Variants in HMGXB4 observed in about 807,000 individuals in gnomAD.
The protein encoded by HMGXB4 is HMG domain-containing protein 4.
A neutral mutation model predicts 63.9 loss-of-function variants in HMGXB4; 27 were observed. The ratio of observed to expected loss-of-function variants is 0.42; its 90% confidence interval spans 0.31 to 0.58. The LOEUF is 0.58. HMGXB4 is among the 20% of genes least tolerant of loss of function. HMGXB4 has a pLI of 0.13. For missense variants in HMGXB4, 624 were observed against 700.7 expected, an observed-to-expected ratio of 0.89 and a Z score of 1.24; for synonymous variants, 264 against 265.3, an observed-to-expected ratio of 0.99 and a Z score of 0.05.
intron 7 of HMGXB4, 65 bp from the exon 8 acceptor site, chr22:35,287,282 G>A: frequency 7.8e-7 from 1 of 1,274,576 alleles, no homozygotes; most frequent in Non-Finnish European, 1.1e-6. Flanking sequence ...GTTCTTTCAT[G>A]ACTGCTTTTC....
At chr22:35,269,076 G>T (rs1192121660) in intron 5 of HMGXB4, among the ~76,000 whole-genome samples, 1 of 152,176 alleles carries the variant, frequency 6.6e-6, no homozygotes, top group Non-Finnish European at 1.5e-5. Flanking sequence ...GAAGACTGAT[G>T]CTTAGAATTC....
rs962998385 is a variant in HMGXB4, at chr22:35,294,156, A to G, written c.*505A>G. The G allele has an allele frequency of 6.5e-6, 1 of 152,766 alleles. No individual in the cohort carries two copies. Among genetic ancestry groups the G allele is most frequent in the African/African-American group, 2.4e-5 (1 of 41,422 alleles). The allele number at this position is 152,766 out of a possible 1,614,324, so 9.5% of individuals were successfully genotyped here. A position where few individuals can be genotyped will look rare whatever the true frequency, so the allele number is the denominator to read the frequency against. On this transcript the variant is annotated 3_prime_UTR_variant, in exon 11 of 11. Transcript: ENST00000216106. The stretch of plus-strand genomic sequence containing the variant: ...TTCAATTTGAAGTGACCTAGGTGGG[A>G]GGTGATAAAATTTGTTCCCTTTATA...
At chr22:35,282,457 G>A (rs963831256) in intron 5 of HMGXB4, among the ~76,000 whole-genome samples, 3 of 152,048 alleles carry the variant, frequency 2.0e-5, no homozygotes, top group East Asian at 1.9e-4. Flanking sequence ...TACCCCACCC[G>A]GCCACATTCA....
chr22:35,286,109 C>A, intron 7 of HMGXB4, 48 bp downstream of exon 7: 1 of 1,305,138 alleles, frequency 7.7e-7, no homozygotes, highest in Non-Finnish European at 1.1e-6. Flanking sequence ...TCTCGCCTTC[C>A]AAAATATGTA....
intron 5 of HMGXB4, among the ~76,000 whole-genome samples, chr22:35,275,243 C>T (rs529236593): frequency 7.5e-4 from 114 of 151,660 alleles, no homozygotes; most frequent in African/African-American, 2.7e-3. Context: ...CCTCACCCTC[C>T]CAGGTAGCTG....
At position 35,283,796 on chromosome 22, in the gene HMGXB4, T is replaced by A. The variant is rs184238599; in HGVS notation, c.1216-166T>A. ...CAGAGTGAGACTGTATCTCAAAAAA[T>A]ATATATATATATATTATCCTGTTTA... is the stretch of plus-strand genomic sequence containing the variant. On this transcript the variant is annotated intron_variant, in intron 5 of 10. Coordinates refer to ENST00000216106, the MANE Select transcript of HMGXB4 (RefSeq NM_001003681.3). Among the ~76,000 whole-genome samples the A allele has an allele frequency of 7.6e-3, 1,144 of 150,346 alleles. 10 individuals carry two copies. The highest frequency in any genetic ancestry group is 0.027 in the African/African-American group (1,098 of 40,902).
chr22:35,287,088 A>G (rs1924632839), intron 7 of HMGXB4: 1 of 396,686 alleles, frequency 2.5e-6, no homozygotes, highest in African/African-American at 2.0e-5. Flanking sequence ...TTACATTTCA[A>G]CTTAGAGTGA....
At chr22:35,267,990 A>C (rs1415028946) in intron 5 of HMGXB4, among the ~76,000 whole-genome samples, 2 of 152,246 alleles carry the variant, frequency 1.3e-5, no homozygotes, top group Admixed American at 6.5e-5. Context: ...AGGCTGAGGC[A>C]GGAGAATCGC....
At chr22:35,254,042 G>A (rs1435664740), upstream of HMGXB4, among the ~76,000 whole-genome samples, 1 of 152,142 alleles carries the variant, frequency 6.6e-6, no homozygotes, top group African/African-American at 2.4e-5. Flanking sequence ...TCAGACCGAA[G>A]ACAAAGACGC....
rs368623050 is a variant in HMGXB4, at chr22:35,265,266, A to G, written c.878A>G (p.Glu293Gly). The G allele has an allele frequency of 3.7e-6, 6 of 1,614,036 alleles. No individual in the cohort carries two copies. Among genetic ancestry groups the G allele is most frequent in the Non-Finnish European group, 5.1e-6 (6 of 1,180,034 alleles). The change falls in exon 5 of 11, where the codon GAA (glutamate) becomes GGA (glycine). Residue 293 changes from glutamate to glycine, a missense_variant. By Grantham distance (98) the Glu-to-Gly change is moderately conservative. Transcript: ENST00000216106. ...TCAGGGCTTGAACCTATTCTGGTAG[A>G]ATCAGACTCATCCTCTGGTGGGGAA... ...DLSGLEPILV[E>G]SDSSSGGELE...
At chr22:35,249,683 T>A in the HMGXB4 span, 5 of 98,832 alleles carry the variant, frequency 5.1e-5, 2 homozygotes. Flanking sequence ...GTATTCACTC[T>A]GGGTGGTGGG....
chr22:35,293,229 T>C (rs1925035085), intron 10 of HMGXB4, 115 bp downstream of exon 10: 2 of 1,174,858 alleles, frequency 1.7e-6, no homozygotes, highest in Admixed American at 1.9e-5. Flanking sequence ...TTCCTTCATC[T>C]GTTGGCCCAT....
upstream of HMGXB4, among the ~76,000 whole-genome samples, chr22:35,253,907 T>TAC (rs1321016134): frequency 6.6e-6 from 1 of 152,224 alleles, no homozygotes; most frequent in Non-Finnish European, 1.5e-5. Context: ...ATTTAGGGCA[T>TAC]ACACACAGAC....
At chr22:35,254,873 G>T (rs1416365073), upstream of HMGXB4, among the ~76,000 whole-genome samples, 1 of 152,170 alleles carries the variant, frequency 6.6e-6, no homozygotes, top group African/African-American at 2.4e-5. Context: ...GCAAGAACTT[G>T]ATATGCTCCA....
intron 5 of HMGXB4, among the ~76,000 whole-genome samples, chr22:35,268,036 A>T (rs961475967): frequency 1.3e-5 from 2 of 152,218 alleles, no homozygotes; most frequent in African/African-American, 4.8e-5. Context: ...GTGAGCCAAG[A>T]TCACGCCACT....
At chr22:35,258,850 G>T (rs568324850) in intron 1 of HMGXB4, among the ~76,000 whole-genome samples, 1 of 152,208 alleles carries the variant, frequency 6.6e-6, no homozygotes, top group Non-Finnish European at 1.5e-5. Flanking sequence ...TCCTGGAACA[G>T]ACCTGGAGTT....
In HMGXB4 at chr22:35,257,512, C is replaced by G. The variant is rs1166622776; in HGVS notation, c.-114C>G. On this transcript the variant is annotated 5_prime_UTR_variant, in exon 1 of 11. Transcript: ENST00000216106. ...GCTTTTCTCTCCTTCTCCAAGATGG[C>G]GGCGATCGGCGGCGTTGAGGCGGGA... The G allele has an allele frequency of 6.5e-6, 1 of 152,880 alleles. No homozygotes were observed. The highest frequency in any genetic ancestry group is 2.4e-5 in the African/African-American group (1 of 41,478). The allele number at this position is 152,880 out of a possible 1,614,324, so 9.5% of individuals were successfully genotyped here. A position where few individuals can be genotyped will look rare whatever the true frequency, so the allele number is the denominator to read the frequency against.
chr22:35,268,463 A>G (rs562207409), intron 5 of HMGXB4, among the ~76,000 whole-genome samples: 4 of 150,400 alleles, frequency 2.7e-5, no homozygotes, highest in Admixed American at 1.3e-4. Context: ...TTTTTTTTTT[A>G]TTCTACCGTG....
chr22:35,281,634 C>T (rs1257295904), intron 5 of HMGXB4, among the ~76,000 whole-genome samples: 2 of 152,170 alleles, frequency 1.3e-5, no homozygotes, highest in African/African-American at 4.8e-5. Flanking sequence ...TGAAATCTCT[C>T]AAGCATATAT....
Sources: allele counts gnomAD v4.1 joint callset (sites outside exome capture counted in the v4.1 genomes callset), GRCh38; gene constraint gnomAD v4.1.1; transcripts MANE v1.5; gene names NCBI Gene and HGNC (gene_info 2026-07-23, HGNC 2026-07-21).